Variants in HDGFL3 observed in about 807,000 individuals in gnomAD.
The protein encoded by HDGFL3 is HDGF like 3, also known as hepatoma-derived growth factor-related protein 3.
HDGFL3 carries 6 observed loss-of-function variants against 27.6 expected under a neutral mutation model. That is an observed-to-expected ratio of 0.22 (90% CI 0.12 to 0.43). The LOEUF is 0.43. Among genes scored for constraint, HDGFL3 ranks in the 20% least tolerant of loss-of-function variants. HDGFL3 has a pLI of 1.00. For synonymous variants in HDGFL3, 88 were observed against 88.9 expected (o/e 0.99, Z 0.05); for missense variants, 207 against 250.1 (o/e 0.83, Z 1.16).
intron 1 of HDGFL3, among the ~76,000 whole-genome samples, chr15:83,177,801 T>C (rs971158282): frequency 6.6e-6 from 1 of 152,214 alleles, no homozygotes; most frequent in Admixed American, 6.5e-5. Context: ...TTCATGAACT[T>C]TACTGGTTTG....
chr15:83,115,594 C>A, exon 4 of HDGFL3: 1 of 632,894 alleles, frequency 1.6e-6, no homozygotes, highest in Non-Finnish European at 2.9e-6. Flanking sequence ...CCGGCAGTGA[C>A]CATCATTCTC....
At chr15:83,147,494 G>C (rs981213603) in intron 5 of HDGFL3, among the ~76,000 whole-genome samples, 1 of 151,930 alleles carries the variant, frequency 6.6e-6, no homozygotes, top group Non-Finnish European at 1.5e-5. Context: ...GACCTTCCTT[G>C]AACTTCTATC....
At chr15:83,200,827 G>C (rs2037635051) in intron 1 of HDGFL3, among the ~76,000 whole-genome samples, 1 of 147,452 alleles carries the variant, frequency 6.8e-6, no homozygotes, top group South Asian at 2.2e-4. Flanking sequence ...CTGAAGGCTT[G>C]TGCTCACCAA....
intron 1 of HDGFL3, among the ~76,000 whole-genome samples, chr15:83,192,990 C>T (rs755006799): frequency 2.0e-5 from 3 of 152,198 alleles, no homozygotes; most frequent in Non-Finnish European, 2.9e-5. Context: ...TTCCATGTAA[C>T]GCCATGTCAC....
chr15:83,132,741 A>C lies in HDGFL3; in HGVS notation c.*6529T>G, dbSNP rs921765056. The C allele has an allele frequency of 7.2e-5, 11 of 152,114 alleles. No individual in the cohort carries two copies. Among genetic ancestry groups the C allele is most frequent in the Admixed American group, 2.0e-4 (3 of 15,268 alleles). 9.4% of individuals were successfully genotyped at this position (152,114 alleles called of 1,614,324 possible). A position where few individuals can be genotyped will look rare whatever the true frequency, so the allele number is the denominator to read the frequency against. ...TTTCCCTCATGGAGACGTTAAGAAA[A>C]ATCTGAAAGTAACAGTTTAGGAAGA... On this transcript the variant is annotated 3_prime_UTR_variant, in exon 6 of 6. Transcript: ENST00000299633.
rs201364617 is a variant in HDGFL3 at position 83,137,400 on chromosome 15, C to T, written c.*1870G>A. ...TTAAATTTGAAACATTTCATATATA[C>T]ACATAAAACGCTTTTAAAGAAAATT... On this transcript the variant is annotated 3_prime_UTR_variant, in exon 6 of 6. Coordinates refer to ENST00000299633, the MANE Select transcript of HDGFL3 (RefSeq NM_016073.4). 6.6e-6 allele frequency: 1 copy of T among 152,012 alleles called. No homozygotes were observed. The highest frequency in any genetic ancestry group is 1.9e-4 in the East Asian group (1 of 5,198). 9.4% of individuals were successfully genotyped at this position (152,012 alleles called of 1,614,324 possible).
At chr15:83,176,716 G>T (rs2037316151) in intron 1 of HDGFL3, among the ~76,000 whole-genome samples, 1 of 152,130 alleles carries the variant, frequency 6.6e-6, no homozygotes, top group Non-Finnish European at 1.5e-5. Flanking sequence ...TATTTTAAGA[G>T]ATTTCATCCT....
intron 1 of HDGFL3, among the ~76,000 whole-genome samples, chr15:83,169,650 A>G (rs1289949459): frequency 6.6e-6 from 1 of 151,526 alleles, no homozygotes. Flanking sequence ...AAAATACCAA[A>G]ATTAGCTGGG....
intron 3 of HDGFL3, among the ~76,000 whole-genome samples, chr15:83,118,625 G>A (rs1028623514): frequency 3.3e-5 from 5 of 152,308 alleles, no homozygotes; most frequent in African/African-American, 1.2e-4. Context: ...GGAGCATGAA[G>A]CTTAAGAGAA....
At chr15:83,144,153 GT>G (rs896414587) in intron 5 of HDGFL3, among the ~76,000 whole-genome samples, 1 of 152,132 alleles carries the variant, frequency 6.6e-6, no homozygotes, top group African/African-American at 2.4e-5. Flanking sequence ...AGCCCCCCAG[GT>G]AGTTGGGACT....
intron 5 of HDGFL3, chr15:83,144,420 C>CA (rs1353890590): frequency 2.2e-6 from 1 of 455,976 alleles, no homozygotes; most frequent in Admixed American, 2.4e-5. Context: ...CAGAATGAAG[C>CA]AAAAGTGATG....
chr15:83,180,502 G>C (rs943122916), intron 1 of HDGFL3, among the ~76,000 whole-genome samples: 3 of 151,974 alleles, frequency 2.0e-5, no homozygotes, highest in African/African-American at 7.3e-5. Context: ...TGGATAAAGA[G>C]AAGTCTGCAA....
exon 4 of HDGFL3, chr15:83,115,606 A>G (rs985889014): frequency 1.5e-6 from 1 of 650,158 alleles, no homozygotes; most frequent in Non-Finnish European, 2.9e-6. Flanking sequence ...ATCATTCTCC[A>G]CTCCTGTGAT....
intron 5 of HDGFL3, among the ~76,000 whole-genome samples, chr15:83,146,016 T>A (rs1048368736): frequency 6.8e-6 from 1 of 147,054 alleles, no homozygotes; most frequent in African/African-American, 2.5e-5. Context: ...GTTCAAGCGA[T>A]TTTCATGCCT....
chr15:83,162,601 A>G (rs2037115288), intron 2 of HDGFL3, among the ~76,000 whole-genome samples: 1 of 152,210 alleles, frequency 6.6e-6, no homozygotes, highest in Non-Finnish European at 1.5e-5. Flanking sequence ...TGCATAGTCC[A>G]TAATGTCTAT....
Position 83,207,264 on chromosome 15 carries a change from G to A in HDGFL3, c.84+67C>T. Reference sequence around the variant, plus strand: ...CGGGGCTGAGGCGATGGGGAAAGGGGGCGGGCGCGCCATCATGAAGGGGAA... The same window carrying A: ...CGGGGCTGAGGCGATGGGGAAAGGGAGCGGGCGCGCCATCATGAAGGGGAA... On this transcript the variant is annotated intron_variant, in intron 1 of 5. Coordinates refer to ENST00000299633, the MANE Select transcript of HDGFL3 (RefSeq NM_016073.4). This position sits in a 1 kb window ranked among gnomAD's most constrained non-coding sequence, Gnocchi z 4.8. 1.8e-6 allele frequency: 2 copies of A among 1,119,538 alleles called. No homozygotes were observed. The highest frequency in any genetic ancestry group is 3.2e-5 in the East Asian group (1 of 31,096). The allele number at this position is 1,119,538 out of a possible 1,614,324, so 69.4% of individuals were successfully genotyped here. A position where few individuals can be genotyped will look rare whatever the true frequency, so the allele number is the denominator to read the frequency against.
intron 1 of HDGFL3, among the ~76,000 whole-genome samples, chr15:83,166,052 T>C (rs1443947185): frequency 6.6e-6 from 1 of 151,728 alleles, no homozygotes; most frequent in Non-Finnish European, 1.5e-5. Flanking sequence ...TCAAGAAAAT[T>C]TCCCAAATCT....
chr15:83,166,914 C>T (rs548535575), intron 1 of HDGFL3, among the ~76,000 whole-genome samples: 1 of 152,318 alleles, frequency 6.6e-6, no homozygotes, highest in South Asian at 2.1e-4. Context: ...CCTCCTCCAA[C>T]ACTGGGATTA....
chr15:83,112,960 C>T, exon 4 of HDGFL3: 5 of 1,341,466 alleles, frequency 3.7e-6, no homozygotes, highest in Non-Finnish European at 5.4e-6. Context: ...CTTTCAGCCT[C>T]AGTCACATAT....
Sources: gnomAD v4.1 joint callset for allele counts (sites outside exome capture counted in the v4.1 genomes callset) on GRCh38, gnomAD v4.1.1 for gene constraint, Gnocchi (gnomAD v3.1) non-coding constraint, MANE v1.5 for transcripts, NCBI Gene and HGNC (gene_info 2026-07-23, HGNC 2026-07-21) for gene names.